The following PPARGC1B variants were observed in gnomAD, a reference collection of about 807,000 sequenced individuals.
PPARGC1B encodes PPARG coactivator 1 beta.
Under a neutral mutation model 101.6 loss-of-function variants are expected in PPARGC1B, and 34 were observed. The observed-to-expected ratio is 0.33, with a 90% CI of 0.25 to 0.45. PPARGC1B has a LOEUF of 0.45. Among genes scored for constraint, PPARGC1B ranks in the 20% least tolerant of loss-of-function variants. The pLI, the probability that PPARGC1B is intolerant of heterozygous loss-of-function variation, is 1.00. For missense variants in PPARGC1B, 1,234 were observed against 1,317.6 expected, an observed-to-expected ratio of 0.94 and a Z score of 0.98; for synonymous variants, 548 against 539.3, an observed-to-expected ratio of 1.02 and a Z score of -0.22.
At chr5:149,780,932 G>A (rs758458620) in intron 1 of PPARGC1B, among the ~76,000 whole-genome samples, 3 of 152,212 alleles carry the variant, frequency 2.0e-5, no homozygotes, top group Non-Finnish European at 2.9e-5. Flanking sequence ...GGCAGGGCGC[G>A]GTGGCTCATG....
At chr5:149,831,480 C>T (rs887877340) in intron 4 of PPARGC1B, among the ~76,000 whole-genome samples, 2 of 152,206 alleles carry the variant, frequency 1.3e-5, no homozygotes, top group East Asian at 3.8e-4. Flanking sequence ...GAGGCAGAAT[C>T]GGGACCTCTC....
At chr5:149,826,176 C>T (rs1007128216) in intron 2 of PPARGC1B, among the ~76,000 whole-genome samples, 8 of 152,120 alleles carry the variant, frequency 5.3e-5, no homozygotes, top group Non-Finnish European at 7.4e-5. Flanking sequence ...TCTGGGAACC[C>T]GCAGAGAAAT....
chr5:149,840,246 A>T (rs1759279648), intron 9 of PPARGC1B, 130 bp downstream of exon 9: 3 of 757,766 alleles, frequency 4.0e-6, no homozygotes, highest in Non-Finnish European at 2.1e-6. Context: ...CCTGGGGAAG[A>T]AGGGACTATG....
chr5:149,803,825 A>G (rs1757508584), intron 1 of PPARGC1B, among the ~76,000 whole-genome samples: 1 of 152,172 alleles, frequency 6.6e-6, no homozygotes, highest in South Asian at 2.1e-4. Context: ...TCTGGAACGC[A>G]CTTCTACATA....
chr5:149,777,081 TG>T (rs1756391086), intron 1 of PPARGC1B, among the ~76,000 whole-genome samples: 1 of 152,218 alleles, frequency 6.6e-6, no homozygotes, highest in Non-Finnish European at 1.5e-5. Flanking sequence ...GAAGGTAGTG[TG>T]GTTTCCCTTA....
chr5:149,835,331 G>A lies in PPARGC1B; in HGVS notation c.1773G>A (p.Glu591=). ...SDPTFGKKSF[E]QTLTVELCGT... ...CAACTTTTGGCAAGAAGAGCTTTGA[G>A]CAGACCTTGACAGTGGAGCTCTGTG... The change falls in exon 7 of 12, where the codon GAG becomes GAA. Residue 591 remains glutamate (E), a synonymous_variant. Coordinates refer to ENST00000309241, the MANE Select transcript of PPARGC1B (RefSeq NM_133263.4). 1 of 1,614,204 alleles carries A rather than the reference G, an allele frequency of 6.2e-7. No individual in the cohort carries two copies. Among genetic ancestry groups the A allele is most frequent in the Non-Finnish European group, 8.5e-7 (1 of 1,180,036 alleles).
intron 1 of PPARGC1B, among the ~76,000 whole-genome samples, chr5:149,788,719 A>G (rs1314028774): frequency 7.2e-5 from 11 of 152,184 alleles, no homozygotes; most frequent in Non-Finnish European, 1.6e-4. Context: ...AATGTGGCAC[A>G]TATACACCAT....
chr5:149,836,206 G>T, intron 7 of PPARGC1B, 57 bp from the exon 8 acceptor site: 1 of 1,417,522 alleles, frequency 7.1e-7, no homozygotes, highest in Non-Finnish European at 9.6e-7. Flanking sequence ...TAGGGTCTTA[G>T]TGTCCCTTGG....
intron 1 of PPARGC1B, among the ~76,000 whole-genome samples, chr5:149,796,221 A>G (rs1176334968): frequency 6.6e-6 from 1 of 152,040 alleles, no homozygotes; most frequent in Non-Finnish European, 1.5e-5. Flanking sequence ...TCGGTGGAGT[A>G]GGGGGGGCCT....
chr5:149,829,984 G>A (rs1758686874), intron 3 of PPARGC1B, among the ~76,000 whole-genome samples: 2 of 126,190 alleles, frequency 1.6e-5, no homozygotes. Context: ...GCAGTGAGCC[G>A]AGATCCTGCC....
chr5:149,783,698 A>C (rs1394190516), intron 1 of PPARGC1B, among the ~76,000 whole-genome samples: 2 of 152,120 alleles, frequency 1.3e-5, no homozygotes, highest in African/African-American at 2.4e-5. Flanking sequence ...CCGGGTTTCA[A>C]ATTCCCCCTC....
At position 149,845,941 on chromosome 5, in the gene PPARGC1B, C is replaced by T. The variant is rs375053770; in HGVS notation, c.2971+27C>T. The T allele has an allele frequency of 9.9e-6, 16 of 1,614,016 alleles. No individual in the cohort carries two copies. The African/African-American group carries it at 1.1e-4, about 11-fold the overall frequency. On this transcript the variant is annotated intron_variant, in intron 11 of 11. Transcript: ENST00000309241. The stretch of plus-strand genomic sequence containing the variant: ...TAAGCCCCTGAAACCCAGCCACAGT[C>T]TAGTAAGACTCAAAGCTTGGGAAGC...
chr5:149,807,476 G>A (rs566164451), intron 1 of PPARGC1B, among the ~76,000 whole-genome samples: 9 of 152,226 alleles, frequency 5.9e-5, no homozygotes, highest in African/African-American at 1.9e-4. Context: ...TCAGGACCAA[G>A]GTCAGAATTC....
At chr5:149,830,057 A>AAAAAAAG (rs1758709107) in intron 3 of PPARGC1B, among the ~76,000 whole-genome samples, 1 of 62,534 alleles carries the variant, frequency 1.6e-5, no homozygotes, top group Non-Finnish European at 2.9e-5. Flanking sequence ...AAAAAAAAGA[A>AAAAAAAG]AAAAAAAAAA....
At chr5:149,827,045 C>T (rs1245219932) in intron 3 of PPARGC1B, among the ~76,000 whole-genome samples, 160 bp downstream of exon 3, 1 of 152,186 alleles carries the variant, frequency 6.6e-6, no homozygotes, top group Non-Finnish European at 1.5e-5. Context: ...AGGTGGGAGG[C>T]CCCCCTGGAC....
At chr5:149,834,382 T>G (rs1175216430) in intron 5 of PPARGC1B, among the ~76,000 whole-genome samples, 1 of 152,226 alleles carries the variant, frequency 6.6e-6, no homozygotes, top group Non-Finnish European at 1.5e-5. Context: ...CTCACAGCAG[T>G]GGGACTTAGA....
At position 149,845,823 on chromosome 5, in the gene PPARGC1B, G is replaced by C; in HGVS notation, c.2880G>C (p.Lys960Asn). 6.2e-7 allele frequency: 1 copy of C among 1,614,190 alleles called. No homozygotes were observed. The highest frequency in any genetic ancestry group is 8.5e-7 in the Non-Finnish European group (1 of 1,180,014). Residue 960 changes from lysine (K) to asparagine (N), a missense_variant, in exon 11 of 12, where the codon AAG becomes AAC. Lys to Asn is a moderately conservative substitution (Grantham distance 94). Coordinates refer to ENST00000309241, the MANE Select transcript of PPARGC1B (RefSeq NM_133263.4). Reference sequence around the variant, plus strand: ...AGCACGCGGCCCTCTCTTTGACAAAGGGCGCTGCCCTGAGGAAGCGCAACG... The same window carrying C: ...AGCACGCGGCCCTCTCTTTGACAAACGGCGCTGCCCTGAGGAAGCGCAACG... ...CSEHAALSLT[K>N]GAALRKRNEP...
At chr5:149,747,961 G>C (rs1006919644) in intron 1 of PPARGC1B, among the ~76,000 whole-genome samples, 6 of 152,142 alleles carry the variant, frequency 3.9e-5, no homozygotes, top group African/African-American at 1.4e-4. Context: ...GTGGGGTTGA[G>C]GAGTGGGTGA....
intron 1 of PPARGC1B, among the ~76,000 whole-genome samples, chr5:149,807,490 C>T (rs754620632): frequency 1.3e-5 from 2 of 152,236 alleles, no homozygotes; most frequent in South Asian, 2.1e-4. Flanking sequence ...AGAATTCCAG[C>T]GAGTAGACTG....
Sources: allele counts gnomAD v4.1 joint callset (sites outside exome capture counted in the v4.1 genomes callset), GRCh38; gene constraint gnomAD v4.1.1; transcripts MANE v1.5; gene names NCBI Gene and HGNC (gene_info 2026-07-23, HGNC 2026-07-21).